MTUS1: variants seen among roughly 807,000 people sequenced by gnomAD.
MTUS1 encodes microtubule associated scaffold protein 1, also known as microtubule-associated tumor suppressor 1.
Under a neutral mutation model 120.8 loss-of-function variants are expected in MTUS1, and 109 were observed. The observed-to-expected ratio is 0.90, with a 90% CI of 0.77 to 1.06. The LOEUF is 1.06. Among genes scored for constraint, MTUS1 ranks in the 50% least tolerant of loss-of-function variants. The pLI, the probability that MTUS1 is intolerant of heterozygous loss-of-function variation, is 0.00. For synonymous variants in MTUS1, 737 were observed against 550.5 expected, an observed-to-expected ratio of 1.34 and a Z score of -4.74; for missense variants, 2,210 against 1,486.3, an observed-to-expected ratio of 1.49 and a Z score of -8.01.
chr8:17,758,909 T>C (rs951623544), intron 1 of MTUS1, among the ~76,000 whole-genome samples: 11 of 152,126 alleles, frequency 7.2e-5, no homozygotes, highest in African/African-American at 2.2e-4. Flanking sequence ...TGAGACGGAG[T>C]CTGGCACTGT....
intron 1 of MTUS1, among the ~76,000 whole-genome samples, chr8:17,800,194 T>C (rs1344206781): frequency 6.6e-6 from 1 of 152,102 alleles, no homozygotes; most frequent in African/African-American, 2.4e-5. Context: ...CCCTCCTGCA[T>C]TGCCTCCCTT....
intron 1 of MTUS1, among the ~76,000 whole-genome samples, chr8:17,780,421 C>A (rs2050784952): frequency 6.6e-6 from 1 of 152,192 alleles, no homozygotes; most frequent in Non-Finnish European, 1.5e-5. Context: ...CAGTCTGATA[C>A]AATCTCAAGC....
At chr8:17,655,066 A>G (rs973857767) in intron 9 of MTUS1, 17 of 185,660 alleles carry the variant, frequency 9.2e-5, no homozygotes, top group Non-Finnish European at 1.4e-4. Context: ...CATCAGTCAC[A>G]AGGAATGACC....
intron 8 of MTUS1, among the ~76,000 whole-genome samples, chr8:17,662,596 C>G (rs7014425): frequency 6.6e-6 from 1 of 151,100 alleles, no homozygotes; most frequent in South Asian, 2.1e-4. Flanking sequence ...CCTCATGATC[C>G]GCCCACCTCA....
chr8:17,680,095 G>A (rs1351900599), intron 7 of MTUS1, among the ~76,000 whole-genome samples: 1 of 152,034 alleles, frequency 6.6e-6, no homozygotes, highest in East Asian at 1.9e-4. Context: ...CACAGACAAT[G>A]AAAGAGAAGC....
chr8:17,737,639 C>T (rs954009137), intron 3 of MTUS1, among the ~76,000 whole-genome samples: 1 of 152,076 alleles, frequency 6.6e-6, no homozygotes, highest in Non-Finnish European at 1.5e-5. Context: ...AAGTGTGTGC[C>T]ACTTGCCCAG....
intron 3 of MTUS1, among the ~76,000 whole-genome samples, chr8:17,724,318 C>G (rs1031363317): frequency 6.6e-6 from 1 of 152,068 alleles, no homozygotes; most frequent in African/African-American, 2.4e-5. Context: ...GAAATTCACT[C>G]ATTTATACAC....
In MTUS1 at chr8:17,730,828, A is replaced by T. The variant is rs574141101; in HGVS notation, c.2288-6995T>A. ...TGCCAGGGGCTGAAAGAGACGGAGA[A>T]CTGGGGGTTAGTAAAATGGATACAG... On this transcript the variant is annotated intron_variant, in intron 3 of 14. Transcript: ENST00000693296. Among the ~76,000 whole-genome samples, 29 of 152,314 alleles carry T rather than the reference A, an allele frequency of 1.9e-4. No individual in the cohort carries two copies. In the East Asian group the frequency reaches 5.6e-3, roughly 29 times the overall value.
chr8:17,650,312 C>A (rs933838519), intron 12 of MTUS1, among the ~76,000 whole-genome samples: 7 of 152,118 alleles, frequency 4.6e-5, no homozygotes, highest in African/African-American at 1.7e-4. Flanking sequence ...TCTGGGAGAA[C>A]AGGGAACAAC....
intron 1 of MTUS1, among the ~76,000 whole-genome samples, chr8:17,784,986 T>C (rs914560814): frequency 2.0e-4 from 30 of 152,208 alleles, no homozygotes; most frequent in African/African-American, 6.0e-4. Flanking sequence ...GGTTTCACCA[T>C]GTTGGCCAGG....
At chr8:17,660,287 C>T (rs935010622) in intron 8 of MTUS1, among the ~76,000 whole-genome samples, 7 of 152,106 alleles carry the variant, frequency 4.6e-5, no homozygotes, top group African/African-American at 1.2e-4. Context: ...GCAGGAGAAT[C>T]GCTTGAACCC....
intron 7 of MTUS1, among the ~76,000 whole-genome samples, chr8:17,682,513 A>G (rs151199936): frequency 0.083 from 7,456 of 89,934 alleles, 438 homozygotes; most frequent in East Asian, 0.4. Context: ...GCAAGACTCC[A>G]TCCCAAAAAA....
chr8:17,740,199 C>T (rs1428552495), intron 3 of MTUS1, among the ~76,000 whole-genome samples: 1 of 150,950 alleles, frequency 6.6e-6, no homozygotes, highest in Non-Finnish European at 1.5e-5. Context: ...CAGAGCGAGA[C>T]TCCGTCTCAA....
intron 1 of MTUS1, among the ~76,000 whole-genome samples, chr8:17,766,725 T>G (rs1443958466): frequency 2.6e-5 from 4 of 152,154 alleles, no homozygotes; most frequent in Non-Finnish European, 5.9e-5. Context: ...AACAGAGAAT[T>G]GATTTTGATA....
At chr8:17,671,859 G>T (rs1310488124) in intron 8 of MTUS1, among the ~76,000 whole-genome samples, 1 of 152,134 alleles carries the variant, frequency 6.6e-6, no homozygotes, top group East Asian at 1.9e-4. Flanking sequence ...GGCGATAGTG[G>T]CAGCTCTCTT....
chr8:17,738,810 A>G (rs1353949150), intron 3 of MTUS1, among the ~76,000 whole-genome samples: 1 of 152,188 alleles, frequency 6.6e-6, no homozygotes, highest in Non-Finnish European at 1.5e-5. Flanking sequence ...TTTCTAAACC[A>G]TTCAGCTGGG....
intron 1 of MTUS1, among the ~76,000 whole-genome samples, chr8:17,762,933 C>G (rs182221158): frequency 1.5e-4 from 23 of 151,904 alleles, no homozygotes; most frequent in African/African-American, 5.6e-4. Flanking sequence ...AAACACCTGT[C>G]CAGTTGACCA....
chr8:17,677,786 G>C (rs1053930238), intron 7 of MTUS1, among the ~76,000 whole-genome samples: 3 of 152,164 alleles, frequency 2.0e-5, no homozygotes, highest in African/African-American at 7.2e-5. Flanking sequence ...TTGTGCAAAA[G>C]TCAGTTGGTT....
intron 8 of MTUS1, among the ~76,000 whole-genome samples, chr8:17,672,722 G>C (rs1812277058): frequency 6.6e-6 from 1 of 152,276 alleles, no homozygotes; most frequent in African/African-American, 2.4e-5. Context: ...GCCAGCACTG[G>C]GTGACTGGGG....
Sources: gnomAD v4.1 joint callset for allele counts (sites outside exome capture counted in the v4.1 genomes callset) on GRCh38, gnomAD v4.1.1 for gene constraint, MANE v1.5 for transcripts, NCBI Gene and HGNC (gene_info 2026-07-23, HGNC 2026-07-21) for gene names.